The following CC2D1B variants were observed in gnomAD, a reference collection of about 807,000 sequenced individuals.
CC2D1B encodes coiled-coil and C2 domain-containing protein 1B.
CC2D1B carries 92 observed loss-of-function variants against 110.8 expected under a neutral mutation model. The observed-to-expected ratio is 0.83, with a 90% confidence interval of 0.70 to 0.99. The LOEUF (loss-of-function observed/expected upper bound fraction) is 0.99, where lower values mean the gene tolerates loss of function less well. CC2D1B is among the 50% of genes least tolerant of loss of function. The pLI, the probability that CC2D1B is intolerant of heterozygous loss-of-function variation, is 0.00. For missense variants in CC2D1B, 1,136 were observed against 1,089.0 expected (o/e 1.04, Z -0.61); for synonymous variants, 406 against 429.2 (o/e 0.95, Z 0.67).
At chr1:52,365,457 A>G (rs1216266887) in intron 1 of CC2D1B, among the ~76,000 whole-genome samples, 1 of 152,212 alleles carries the variant, frequency 6.6e-6, no homozygotes, top group Non-Finnish European at 1.5e-5. Flanking sequence ...ACGAGGGAAC[A>G]CTTGACGGCT....
chr1:52,353,088 G>A lies in CC2D1B; in HGVS notation c.*137C>T, dbSNP rs908318069. On this transcript the variant is annotated 3_prime_UTR_variant, in exon 25 of 25. Transcript: ENST00000284376. ...GGAAAGACCAGAGTCGTGGTCAGTAGTGCACATGCTTAACAGGTCTTTGGT... is the reference window on the plus strand; with the variant it reads ...GGAAAGACCAGAGTCGTGGTCAGTAATGCACATGCTTAACAGGTCTTTGGT... 9.2e-6 allele frequency: 8 copies of A among 867,132 alleles called. No homozygotes were observed. Among genetic ancestry groups the A allele is most frequent in the Non-Finnish European group, 1.4e-5 (8 of 591,222 alleles). The allele number at this position is 867,132 out of a possible 1,614,324, so 53.7% of individuals were successfully genotyped here.
intron 4 of CC2D1B, 61 bp from the exon 5 acceptor site, chr1:52,361,193 C>A: frequency 1.3e-6 from 2 of 1,590,890 alleles, no homozygotes; most frequent in Non-Finnish European, 1.7e-6. Context: ...CACAACAGGA[C>A]CTGAGAGTAA....
chr1:52,353,266 G>C, intron 24 of CC2D1B, 43 bp from the exon 25 acceptor site: 1 of 1,427,322 alleles, frequency 7.0e-7, no homozygotes, highest in Non-Finnish European at 9.3e-7. Context: ...CTAAACTGCA[G>C]TGAAAACACA....
Position 52,362,724 on chromosome 1 carries a change from C to A in CC2D1B, c.92G>T (p.Gly31Val). 6.2e-7 allele frequency: 1 copy of A among 1,614,078 alleles called. No homozygotes were observed. The highest frequency in any genetic ancestry group is 8.5e-7 in the Non-Finnish European group (1 of 1,180,014). ...AKQMGLFMEF[G>V]PEDMLLGMDE... Reference sequence around the variant, plus strand: ...CATGCCCAGCAGCATGTCCTCAGGGCCAAACTCCATAAAGAGCCCCATCTG... The same window carrying A: ...CATGCCCAGCAGCATGTCCTCAGGGACAAACTCCATAAAGAGCCCCATCTG... The change falls in exon 3 of 25, where the codon GGC (glycine) becomes GTC (valine). Residue 31 changes from glycine to valine, a missense_variant. By Grantham distance (109) the Gly-to-Val change is moderately radical. Transcript: ENST00000284376.
rs547985987 is a variant in CC2D1B at position 52,351,095 on chromosome 1, GCTC to G, written c.*2127_*2129del. On this transcript the variant is annotated 3_prime_UTR_variant, in exon 25 of 25. Transcript: ENST00000284376. Reference sequence around the variant, plus strand: ...TCAGGACAAGATGAAGCTGGGACAGGCTCCTCCTACTACCAGTGACGCATGCAT... The same window carrying G: ...TCAGGACAAGATGAAGCTGGGACAGGCTCCTACTACCAGTGACGCATGCAT... The G allele has an allele frequency of 1.3e-5, 2 of 152,282 alleles. No homozygotes were observed. Among genetic ancestry groups the G allele is most frequent in the Non-Finnish European group, 2.9e-5 (2 of 68,030 alleles). 9.4% of individuals were successfully genotyped at this position (152,282 alleles called of 1,614,324 possible).
Position 52,361,522 on chromosome 1 carries a change from T to C in CC2D1B, c.309A>G (p.Ala103=). 6.2e-7 allele frequency: 1 copy of C among 1,613,946 alleles called. No homozygotes were observed. Among genetic ancestry groups the C allele is most frequent in the East Asian group, 2.2e-5 (1 of 44,880 alleles). The stretch of plus-strand genomic sequence containing the variant: ...AGCCTGGCAGACACACCAGCAGCTC[T>C]GCATCTTCCTCCAGCCCTTCCTCCT... The part of the protein sequence containing the change: ...EEEEEGLEED[A]ELLTELQEVL... Residue 103 remains alanine (A), a synonymous_variant, in exon 4 of 25, where the codon GCA becomes GCG. Coordinates refer to ENST00000284376, the MANE Select transcript of CC2D1B (RefSeq NM_001330585.2).
rs1322762876 is a variant in CC2D1B at position 52,353,195 on chromosome 1, C to T, written c.*30G>A. 1 of 1,338,254 alleles carries T rather than the reference C, an allele frequency of 7.5e-7. No homozygotes were observed. The allele number at this position is 1,338,254 out of a possible 1,614,324, so 82.9% of individuals were successfully genotyped here. A position where few individuals can be genotyped will look rare whatever the true frequency, so the allele number is the denominator to read the frequency against. On this transcript the variant is annotated 3_prime_UTR_variant, in exon 25 of 25. Coordinates refer to ENST00000284376, the MANE Select transcript of CC2D1B (RefSeq NM_001330585.2). ...AAGTCATCTCCTGCACAGTCGCGGC[C>T]TGACTCCTCTCCTGGTGCTGGCCAT... is the stretch of plus-strand genomic sequence containing the variant.
In CC2D1B at chr1:52,360,475, G is replaced by C; in HGVS notation, c.552C>G (p.Ala184=). The C allele has an allele frequency of 6.2e-7, 1 of 1,614,022 alleles. No individual in the cohort carries two copies. The highest frequency in any genetic ancestry group is 8.5e-7 in the Non-Finnish European group (1 of 1,180,034). ...IHNYREAAAS[A]KEAGEAAKAR... ...CTTTGGCTGCTTCGCCTGCCTCCTT[G>C]GCACTGGCCGCAGCCTCTCGGTAGT... The change falls in exon 6 of 25, where the codon GCC becomes GCG. Residue 184 remains alanine (A), a synonymous_variant. Transcript: ENST00000284376.
intron 23 of CC2D1B, among the ~76,000 whole-genome samples, chr1:52,354,095 C>CAATT (rs1006369325): frequency 7.2e-5 from 11 of 152,268 alleles, no homozygotes; most frequent in African/African-American, 2.6e-4. Flanking sequence ...ATGAGGCAGT[C>CAATT]AATTAGGGCA....
chr1:52,362,536 C>T (rs891403608), intron 3 of CC2D1B, 66 bp downstream of exon 3: 2 of 1,586,636 alleles, frequency 1.3e-6, no homozygotes, highest in African/African-American at 2.7e-5. Flanking sequence ...TGCAAGGGAA[C>T]CCCTCTACCA....
chr1:52,361,503 G>A lies in CC2D1B; in HGVS notation c.318+10C>T. The A allele has an allele frequency of 6.2e-7, 1 of 1,613,650 alleles. No individual in the cohort carries two copies. Among genetic ancestry groups the A allele is most frequent in the East Asian group, 2.2e-5 (1 of 44,876 alleles). On this transcript the variant is annotated intron_variant, in intron 4 of 24. Coordinates refer to ENST00000284376, the MANE Select transcript of CC2D1B (RefSeq NM_001330585.2). The stretch of plus-strand genomic sequence containing the variant: ...CTCAGAGCCCTGGGATACCAGCCTG[G>A]CAGACACACCAGCAGCTCTGCATCT...
chr1:52,363,287 C>A (rs1015224534), intron 2 of CC2D1B, among the ~76,000 whole-genome samples: 1 of 150,152 alleles, frequency 6.7e-6, no homozygotes, highest in African/African-American at 2.5e-5. Context: ...CCCAGCTACT[C>A]GGGAGGCTGA....
In CC2D1B at chr1:52,356,298, C is replaced by A. The variant is rs1422597836; in HGVS notation, c.1942G>T (p.Glu648Ter). ...QGNVAETTRF[E>*]KLAQDRKKQL... ...TTCTTGCGGTCCTGAGCAAGCTTCT[C>A]AAATCTGACAGGGATGGGTATGTCA... The change falls in exon 18 of 25, where the codon GAG becomes TAG. Residue 648 changes from glutamate to a stop codon, truncating the protein, a stop_gained. Transcript: ENST00000284376. LOFTEE classifies it high-confidence loss of function. 6.2e-7 allele frequency: 1 copy of A among 1,614,082 alleles called. No homozygotes were observed. Among genetic ancestry groups the A allele is most frequent in the African/African-American group, 1.3e-5 (1 of 74,920 alleles).
Position 52,353,299 on chromosome 1 carries a change from G to GAAGAT in CC2D1B, c.*2-81_*2-77dup, listed in dbSNP as rs372182139. 3.4e-5 allele frequency: 50 copies of GAAGAT among 1,474,092 alleles called. No homozygotes were observed. In the African/African-American group the frequency reaches 5.3e-4, roughly 16 times the overall value. The allele number at this position is 1,474,092 out of a possible 1,614,324, so 91.3% of individuals were successfully genotyped here. On this transcript the variant is annotated intron_variant, in intron 24 of 24. Transcript: ENST00000284376. ...ACAAAGATTTTAGAAAGGGTTTCCT[G>GAAGAT]AAGATAGATAGATAGATAGATAGTT... is the stretch of plus-strand genomic sequence containing the variant.
intron 16 of CC2D1B, 154 bp downstream of exon 16, chr1:52,356,846 AG>A: frequency 1.3e-6 from 1 of 799,300 alleles, no homozygotes; most frequent in South Asian, 1.9e-5. Flanking sequence ...AGGAAAATGT[AG>A]TTCAGAGAAG....
chr1:52,359,557 T>TG (rs747230129), intron 8 of CC2D1B, 23 bp from the exon 9 acceptor site: 49 of 1,611,742 alleles, frequency 3.0e-5, no homozygotes, highest in Non-Finnish European at 3.7e-5. Flanking sequence ...GAAAAGCAGG[T>TG]GTGGGTGAAA....
chr1:52,357,295 G>A, intron 15 of CC2D1B, 169 bp from the exon 16 acceptor site: 1 of 927,390 alleles, frequency 1.1e-6, no homozygotes, highest in Non-Finnish European at 1.6e-6. Flanking sequence ...GCCTCCCATG[G>A]CCTGGCCCAG....
In CC2D1B at chr1:52,353,507, G is replaced by A; in HGVS notation, c.*1+11C>T. Reference sequence around the variant, plus strand: ...GGGGCAAAGGTTCTGAAGGCCCAGAGAGCTGCCCACCTCACAAGCCCCTGG... The same window carrying A: ...GGGGCAAAGGTTCTGAAGGCCCAGAAAGCTGCCCACCTCACAAGCCCCTGG... On this transcript the variant is annotated intron_variant, in intron 24 of 24. Coordinates refer to ENST00000284376, the MANE Select transcript of CC2D1B (RefSeq NM_001330585.2). The A allele has an allele frequency of 6.2e-7, 1 of 1,607,284 alleles. No individual in the cohort carries two copies. The highest frequency in any genetic ancestry group is 1.3e-5 in the African/African-American group (1 of 74,588).
chr1:52,357,868 TG>T lies in CC2D1B; in HGVS notation c.1491del (p.Lys498ArgfsTer66). The T allele has an allele frequency of 1.3e-6, 2 of 1,582,350 alleles. No homozygotes were observed. Among genetic ancestry groups the T allele is most frequent in the South Asian group, 1.2e-5 (1 of 85,110 alleles). On this transcript the variant is annotated frameshift_variant, in exon 14 of 25. Transcript: ENST00000284376. LOFTEE classifies it high-confidence loss of function. ...GGGACTGTGGGCCGTGCAGGTTTCTTGGCCACTGGGGCCTGTGCTGGGGGCT... is the reference window on the plus strand; with the variant it reads ...GGGACTGTGGGCCGTGCAGGTTTCTTGCCACTGGGGCCTGTGCTGGGGGCT... ...EGEPPAQAPV[A>X]KKPARPTVPS... is the part of the protein sequence containing the mutation.
Sources: gnomAD v4.1 joint callset for allele counts (sites outside exome capture counted in the v4.1 genomes callset) on GRCh38, gnomAD v4.1.1 for gene constraint, MANE v1.5 for transcripts, NCBI Gene and HGNC (gene_info 2026-07-23, HGNC 2026-07-21) for gene names.